Variants in TOMM6 observed in about 807,000 individuals in gnomAD.
TOMM6 encodes the protein translocase of outer mitochondrial membrane 6, also known as mitochondrial import receptor subunit TOM6 homolog.
Under a neutral mutation model 6.0 loss-of-function variants are expected in TOMM6, and 6 were observed. The observed-to-expected ratio is 1.00, with a 90% CI of 0.55 to 1.98. The LOEUF is 1.98. Ranked by LOEUF, TOMM6 falls within the 30% of genes most tolerant of loss-of-function variation. The pLI is 0.00. For missense variants in TOMM6, 104 were observed against 95.3 expected, an observed-to-expected ratio of 1.09 and a Z score of -0.38; for synonymous variants, 44 against 36.3, an observed-to-expected ratio of 1.21 and a Z score of -0.76.
At chr6:41,788,434 A>AGG (rs1772725168) in intron 1 of TOMM6, among the ~76,000 whole-genome samples, 1 of 87,732 alleles carries the variant, frequency 1.1e-5, no homozygotes, top group East Asian at 3.5e-4. Context: ...GTGAGCCACC[A>AGG]CGCCCGGCCT....
At chr6:41,789,360 C>A in intron 2 of TOMM6, 24 bp downstream of exon 2, 1 of 1,504,066 alleles carries the variant, frequency 6.6e-7, no homozygotes, top group Non-Finnish European at 9.1e-7. Context: ...TACACCCATG[C>A]GTGTCTTAGG....
intron 1 of TOMM6, 44 bp downstream of exon 1, chr6:41,787,869 C>G (rs1345023542): frequency 6.5e-7 from 1 of 1,539,290 alleles, no homozygotes; most frequent in Non-Finnish European, 8.8e-7. Context: ...GCCCTTAAAT[C>G]CGTATTTCCC....
At chr6:41,788,306 T>A (rs1295325159) in intron 1 of TOMM6, among the ~76,000 whole-genome samples, 6 of 137,622 alleles carry the variant, frequency 4.4e-5, no homozygotes, top group East Asian at 4.5e-4. Context: ...CACCACGCCC[T>A]GCTAATTTTT....
At chr6:41,788,434 A>ACC (rs1772725235) in intron 1 of TOMM6, among the ~76,000 whole-genome samples, 1 of 87,710 alleles carries the variant, frequency 1.1e-5, no homozygotes, top group Non-Finnish European at 2.2e-5. Context: ...GTGAGCCACC[A>ACC]CGCCCGGCCT....
chr6:41,787,884 C>A, intron 1 of TOMM6, 59 bp downstream of exon 1: 2 of 1,533,178 alleles, frequency 1.3e-6, no homozygotes, highest in South Asian at 2.4e-5. Flanking sequence ...TTTCCCCTTT[C>A]TTGCGAGGCT....
chr6:41,788,291 C>T lies in TOMM6; in HGVS notation c.128+466C>T, dbSNP rs1327733021. ...TCCCGAGTAGCTGGGACTACGGCCG[C>T]CCGCCACCACGCCCTGCTAATTTTT... On this transcript the variant is annotated intron_variant, in intron 1 of 2. Coordinates refer to ENST00000398881, the MANE Select transcript of TOMM6 (RefSeq NM_001382294.1). 4.0e-5 allele frequency among the ~76,000 whole-genome samples: 6 copies of T among 150,578 alleles called. No individual in the cohort carries two copies. In the East Asian group the frequency reaches 7.8e-4, roughly 20 times the overall value.
chr6:41,788,607 C>T (rs1223371364), intron 1 of TOMM6, among the ~76,000 whole-genome samples: 1 of 150,288 alleles, frequency 6.7e-6, no homozygotes, highest in Non-Finnish European at 1.5e-5. Flanking sequence ...CGCGCGCCAC[C>T]ACGCCCAGCT....
At chr6:41,788,236 C>T (rs141576295) in intron 1 of TOMM6, among the ~76,000 whole-genome samples, 2,474 of 150,688 alleles carry the variant, frequency 0.016, 54 homozygotes, top group African/African-American at 0.05. Context: ...GCTCCGCCTC[C>T]CGGGTTCACG....
intron 1 of TOMM6, among the ~76,000 whole-genome samples, chr6:41,788,145 TG>T (rs1161034868): frequency 3.0e-4 from 3 of 9,886 alleles, no homozygotes; most frequent in Non-Finnish European, 7.9e-4. Context: ...ATTTCTTTTT[TG>T]TTTTTTTTTT....
Position 41,787,839 on chromosome 6 carries a change from A to G in TOMM6, c.128+14A>G. ...TGACTTCCGGAGGTAACCGAGCCCG[A>G]GGAACTTGGTCCTTTTCTGGCCCTT... is the stretch of plus-strand genomic sequence containing the variant. On this transcript the variant is annotated intron_variant, in intron 1 of 2. Transcript: ENST00000398881. The G allele has an allele frequency of 3.9e-6, 6 of 1,551,612 alleles. No homozygotes were observed. Among genetic ancestry groups the G allele is most frequent in the Non-Finnish European group, 5.2e-6 (6 of 1,146,898 alleles).
intron 1 of TOMM6, among the ~76,000 whole-genome samples, 166 bp downstream of exon 1, chr6:41,787,991 G>T (rs1027113459): frequency 2.0e-5 from 3 of 152,200 alleles, no homozygotes; most frequent in Non-Finnish European, 2.9e-5. Flanking sequence ...CTGGCCAGGA[G>T]AGTTCCCGTG....
At chr6:41,787,941 G>C in intron 1 of TOMM6, 116 bp downstream of exon 1, 2 of 1,395,672 alleles carry the variant, frequency 1.4e-6, no homozygotes, top group Non-Finnish European at 1.9e-6. Context: ...TACCAGCATT[G>C]TGGCGTCTTC....
chr6:41,787,951 C>G (rs567402498), intron 1 of TOMM6, 126 bp downstream of exon 1: 1 of 1,333,188 alleles, frequency 7.5e-7, no homozygotes, highest in African/African-American at 1.5e-5. Flanking sequence ...GTGGCGTCTT[C>G]GTAGCTCTGG....
rs1447749348 is a variant in TOMM6 at position 41,788,423 on chromosome 6, C to T, written c.128+598C>T. Among the ~76,000 whole-genome samples the T allele has an allele frequency of 1.1e-4, 14 of 122,798 alleles. No homozygotes were observed. In the East Asian group the frequency reaches 2.5e-3, roughly 22 times the overall value. The allele number at this position is 122,798 out of a possible 152,430, so 80.6% of individuals were successfully genotyped here. ...CCTCCCAAAGTGCTGGGATTACAGG[C>T]GTGAGCCACCACGCCCGGCCTTTTT... On this transcript the variant is annotated intron_variant, in intron 1 of 2. Transcript: ENST00000398881.
chr6:41,789,121 G>C lies in TOMM6; in HGVS notation c.129-111G>C, dbSNP rs965101823. Reference sequence around the variant, plus strand: ...TTGAGCAACCTGCCGTCACAACCACGTATCAACGCCTCGGGAAGGTGGTGA... The same window carrying C: ...TTGAGCAACCTGCCGTCACAACCACCTATCAACGCCTCGGGAAGGTGGTGA... On this transcript the variant is annotated intron_variant, in intron 1 of 2. Transcript: ENST00000398881. The C allele has an allele frequency of 4.1e-6, 4 of 977,284 alleles. No individual in the cohort carries two copies. In the East Asian group the frequency reaches 8.0e-5, roughly 19 times the overall value. 60.5% of individuals were successfully genotyped at this position (977,284 alleles called of 1,614,324 possible).
rs564896570 is a variant in TOMM6, at chr6:41,787,831, C to G, written c.128+6C>G. 7.1e-6 allele frequency: 11 copies of G among 1,551,646 alleles called. No homozygotes were observed. In the African/African-American group the frequency reaches 1.5e-4, roughly 21 times the overall value. On this transcript the variant is annotated splice_donor_region_variant and intron_variant, in intron 1 of 2. Transcript: ENST00000398881. Reference sequence around the variant, plus strand: ...GATAGGAATGACTTCCGGAGGTAACCGAGCCCGAGGAACTTGGTCCTTTTC... The same window carrying G: ...GATAGGAATGACTTCCGGAGGTAACGGAGCCCGAGGAACTTGGTCCTTTTC...
Position 41,789,253 on chromosome 6 carries a change from A to G in TOMM6, c.150A>G (p.Gly50=). The change falls in exon 2 of 3, where the codon GGA becomes GGG. Residue 50 remains glycine (G), a synonymous_variant. Transcript: ENST00000398881. ...DFRRNLILNL[G]LFAAGVWLAR... ...CCAGGAACTTGATACTAAATTTGGG[A>G]CTCTTTGCTGCGGGAGTTTGGCTGG... is the stretch of plus-strand genomic sequence containing the variant. The G allele has an allele frequency of 6.4e-7, 1 of 1,550,898 alleles. No homozygotes were observed. The highest frequency in any genetic ancestry group is 2.4e-5 in the East Asian group (1 of 40,916).
chr6:41,788,086 T>C (rs1224721171), intron 1 of TOMM6, among the ~76,000 whole-genome samples: 2 of 152,174 alleles, frequency 1.3e-5, no homozygotes, highest in Middle Eastern at 3.2e-3. Flanking sequence ...TAAACAGGCT[T>C]TTTCGGCCCT....
intron 1 of TOMM6, among the ~76,000 whole-genome samples, chr6:41,788,380 G>C (rs1772723183): frequency 7.0e-6 from 1 of 143,550 alleles, no homozygotes; most frequent in African/African-American, 2.6e-5. Flanking sequence ...TCCTGACCTC[G>C]TGATCCGCCC....
Sources: gnomAD v4.1 joint callset for allele counts (sites outside exome capture counted in the v4.1 genomes callset) on GRCh38, gnomAD v4.1.1 for gene constraint, MANE v1.5 for transcripts, NCBI Gene and HGNC (gene_info 2026-07-23, HGNC 2026-07-21) for gene names.